Variants in COL1A2 observed in about 807,000 individuals in gnomAD.
COL1A2 encodes collagen type I alpha 2 chain, also known as collagen alpha-2(I) chain.
COL1A2 carries 49 observed loss-of-function variants against 174.3 expected under a neutral mutation model. The ratio of observed to expected loss-of-function variants is 0.28; its 90% confidence interval spans 0.22 to 0.36. COL1A2 has a LOEUF of 0.36. Among genes scored for constraint, COL1A2 ranks in the 10% least tolerant of loss-of-function variants. COL1A2 has a pLI of 1.00. For synonymous variants in COL1A2, 655 were observed against 606.6 expected (o/e 1.08, Z -1.17); for missense variants, 1,438 against 1,822.7 (o/e 0.79, Z 3.84).
intron 1 of COL1A2, among the ~76,000 whole-genome samples, chr7:94,396,340 GTGTC>G (rs779766325): frequency 5.7e-5 from 8 of 140,854 alleles, no homozygotes; most frequent in Non-Finnish European, 9.5e-5. Flanking sequence ...GTGTGTGTGT[GTGTC>G]TGTGTGTCTG....
intron 39 of COL1A2, 138 bp downstream of exon 39, chr7:94,422,090 T>C: frequency 3.1e-6 from 2 of 653,482 alleles, no homozygotes; most frequent in Non-Finnish European, 5.3e-6. Flanking sequence ...AGTCAGCTTT[T>C]CTGAACCATT....
In COL1A2 at chr7:94,413,063, G is replaced by A. The variant is rs779747309; in HGVS notation, c.1504-20G>A. 1.2e-6 allele frequency: 2 copies of A among 1,613,228 alleles called. No homozygotes were observed. The highest frequency in any genetic ancestry group is 1.7e-5 in the Admixed American group (1 of 59,982). ...AATGTGCAAAGCTGTTCTTTGTTTT[G>A]TTTTTCATTTTTACTCTAGGGTGAT... On this transcript the variant is annotated intron_variant, in intron 25 of 51. Transcript: ENST00000297268.
chr7:94,427,667 T>C lies in COL1A2; in HGVS notation c.3308T>C (p.Val1103Ala). ...GPPGPPGPPGVSGGGYDFGYD... is the reference protein window; with the variant it reads ...GPPGPPGPPGASGGGYDFGYD... ...CCTGGCCCTCCTGGACCTCCAGGTG[T>C]AAGCGGTGGTGGTTATGACTTTGGT... Residue 1103 changes from valine to alanine, a missense_variant, in exon 49 of 52, where the codon GTA becomes GCA. Coordinates refer to ENST00000297268, the MANE Select transcript of COL1A2 (RefSeq NM_000089.4). 6.2e-7 allele frequency: 1 copy of C among 1,614,150 alleles called. No individual in the cohort carries two copies. Among genetic ancestry groups the C allele is most frequent in the Non-Finnish European group, 8.5e-7 (1 of 1,180,014 alleles).
chr7:94,419,381 A>G lies in COL1A2; in HGVS notation c.2026-117A>G. On this transcript the variant is annotated intron_variant, in intron 33 of 51. Transcript: ENST00000297268. ...ACATCAGAGGCCTTCTAGATATCCAACCAGAGTGCAGTGAAAGTGTTCAGT... is the reference window on the plus strand; with the variant it reads ...ACATCAGAGGCCTTCTAGATATCCAGCCAGAGTGCAGTGAAAGTGTTCAGT... 2.5e-6 allele frequency: 3 copies of G among 1,192,636 alleles called. No individual in the cohort carries two copies. In the South Asian group the frequency reaches 3.8e-5, roughly 15 times the overall value. The allele number at this position is 1,192,636 out of a possible 1,614,324, so 73.9% of individuals were successfully genotyped here. A position where few individuals can be genotyped will look rare whatever the true frequency, so the allele number is the denominator to read the frequency against.
At position 94,420,527 on chromosome 7, in the gene COL1A2, T is replaced by G; in HGVS notation, c.2188-14T>G. ...GGTCGGAATACCAGAGCTGTAACTG[T>G]TTATTTCCAACAGGGTGCTGCTGGT... is the stretch of plus-strand genomic sequence containing the variant. On this transcript the variant is annotated splice_polypyrimidine_tract_variant and intron_variant, in intron 36 of 51. Coordinates refer to ENST00000297268, the MANE Select transcript of COL1A2 (RefSeq NM_000089.4). 6.2e-7 allele frequency: 1 copy of G among 1,614,064 alleles called. No individual in the cohort carries two copies. The highest frequency in any genetic ancestry group is 8.5e-7 in the Non-Finnish European group (1 of 1,179,994).
In COL1A2 at chr7:94,412,730, A is replaced by T. The variant is rs754172028; in HGVS notation, c.1503+48A>T. The T allele has an allele frequency of 3.9e-6, 6 of 1,527,642 alleles. No homozygotes were observed. In the East Asian group the frequency reaches 1.1e-4, roughly 29 times the overall value. 94.6% of individuals were successfully genotyped at this position (1,527,642 alleles called of 1,614,324 possible). A position where few individuals can be genotyped will look rare whatever the true frequency, so the allele number is the denominator to read the frequency against. The stretch of plus-strand genomic sequence containing the variant: ...TACCCTCAGCACTTTCTGTAGCCAA[A>T]TTTTACCAAACTCTAGTATTTATCT... On this transcript the variant is annotated intron_variant, in intron 25 of 51. Coordinates refer to ENST00000297268, the MANE Select transcript of COL1A2 (RefSeq NM_000089.4).
In COL1A2 at chr7:94,412,076, T is replaced by C. The variant is rs768981392; in HGVS notation, c.1359T>C (p.Pro453=). ...CCTCATTTATTTTATAGGGTCTTCC[T>C]GGTTCCCCTGGAAATATCGGCCCCG... ...EPGLMGPRGL[P]GSPGNIGPAG... The change falls in exon 24 of 52, where the codon CCT becomes CCC. Residue 453 remains proline (P), a synonymous_variant. Transcript: ENST00000297268. 1.9e-5 allele frequency: 31 copies of C among 1,612,070 alleles called. No individual in the cohort carries two copies. The highest frequency in any genetic ancestry group is 5.0e-5 in the Admixed American group (3 of 59,914).
chr7:94,418,058 C>T (rs1284349222), intron 32 of COL1A2, among the ~76,000 whole-genome samples: 1 of 152,140 alleles, frequency 6.6e-6, no homozygotes, highest in Non-Finnish European at 1.5e-5. Context: ...TTGAGTAATA[C>T]ATGAGGCTCA....
intron 40 of COL1A2, chr7:94,423,384 C>T: frequency 4.3e-6 from 2 of 469,796 alleles, no homozygotes; most frequent in East Asian, 4.4e-5. Context: ...CTTACTGGTA[C>T]CAGGATTAGA....
intron 33 of COL1A2, 163 bp from the exon 34 acceptor site, chr7:94,419,335 C>T (rs913754102): frequency 9.1e-6 from 7 of 768,922 alleles, no homozygotes; most frequent in Non-Finnish European, 1.6e-5. Context: ...TTCTAATAGT[C>T]TTGTTAATTA....
intron 12 of COL1A2, 139 bp downstream of exon 12, chr7:94,406,442 C>G (rs756133290): frequency 9.3e-5 from 69 of 738,400 alleles, no homozygotes; most frequent in Non-Finnish European, 1.4e-4. Context: ...CTTCAAATCC[C>G]TCAAGGATGG....
chr7:94,413,207 C>G (rs1791968379), intron 26 of COL1A2, 71 bp downstream of exon 26: 4 of 1,369,756 alleles, frequency 2.9e-6, no homozygotes. Context: ...TTTTTTACAC[C>G]ATCTGATATC....
intron 10 of COL1A2, 124 bp from the exon 11 acceptor site, chr7:94,405,549 A>C: frequency 1.1e-6 from 1 of 894,310 alleles, no homozygotes; most frequent in Non-Finnish European, 1.9e-6. Flanking sequence ...CTGTGCTTAG[A>C]GGTATACTAG....
chr7:94,429,556 T>C (rs1279245347), intron 51 of COL1A2, 126 bp downstream of exon 51: 2 of 927,046 alleles, frequency 2.2e-6, no homozygotes, highest in Non-Finnish European at 3.3e-6. Context: ...AACTAACTTA[T>C]TTCATAAGTA....
chr7:94,424,634 G>C, intron 41 of COL1A2, 191 bp downstream of exon 41: 1 of 589,908 alleles, frequency 1.7e-6, no homozygotes, highest in Non-Finnish European at 3.0e-6. Context: ...ACACTATAAA[G>C]ACACAGCTTA....
intron 23 of COL1A2, 93 bp downstream of exon 23, chr7:94,411,247 A>G: frequency 9.5e-7 from 1 of 1,047,280 alleles, no homozygotes; most frequent in South Asian, 1.4e-5. Context: ...TAAAAACATC[A>G]AAAGTAAATT....
chr7:94,403,376 A>G (rs931321808), intron 6 of COL1A2, among the ~76,000 whole-genome samples: 2 of 152,208 alleles, frequency 1.3e-5, no homozygotes, highest in African/African-American at 2.4e-5. Flanking sequence ...TGGAAAATCA[A>G]TAACTATAAA....
At position 94,424,384 on chromosome 7, in the gene COL1A2, A is replaced by G. The variant is rs1792230908; in HGVS notation, c.2614A>G (p.Ile872Val). Residue 872 changes from isoleucine to valine, a missense_variant, in exon 41 of 52, where the codon ATT (isoleucine) becomes GTT (valine). This residue lies in a region of COL1A2 where 867 missense variants were observed against 1,213.7 expected (regional missense o/e 0.71). Coordinates refer to ENST00000297268, the MANE Select transcript of COL1A2 (RefSeq NM_000089.4). ...GPQGLLGAPG[I>V]LGLPGSRGER... ...TCAGGGTCTTCTTGGTGCTCCTGGT[A>G]TTCTGGGTCTCCCTGGCTCGAGAGG... The G allele has an allele frequency of 6.2e-7, 1 of 1,613,980 alleles. No homozygotes were observed. Among genetic ancestry groups the G allele is most frequent in the South Asian group, 1.1e-5 (1 of 91,066 alleles).
intron 45 of COL1A2, 145 bp downstream of exon 45, chr7:94,426,196 C>A: frequency 1.1e-6 from 1 of 885,140 alleles, no homozygotes; most frequent in Non-Finnish European, 1.8e-6. Context: ...ATACAAATAA[C>A]TTGAGCTATT....
Sources: allele counts gnomAD v4.1 joint callset (sites outside exome capture counted in the v4.1 genomes callset), GRCh38; gene constraint gnomAD v4.1.1; regional missense constraint gnomAD v4.1.1; transcripts MANE v1.5; gene names NCBI Gene and HGNC (gene_info 2026-07-23, HGNC 2026-07-21).